The following CD1C variants were observed in gnomAD, a reference collection of about 807,000 sequenced individuals.
CD1C encodes the protein CD1c molecule, also known as T-cell surface glycoprotein CD1c.
A neutral mutation model predicts 39.4 loss-of-function variants in CD1C; 47 were observed. The observed-to-expected ratio is 1.19, with a 90% CI of 0.94 to 1.52. The LOEUF (loss-of-function observed/expected upper bound fraction) is 1.52. Ranked by LOEUF, CD1C falls within the 40% of genes most tolerant of loss-of-function variation. CD1C has a pLI of 0.00. For synonymous variants in CD1C, 165 were observed against 150.8 expected, an observed-to-expected ratio of 1.09 and a Z score of -0.69; for missense variants, 417 against 395.2, an observed-to-expected ratio of 1.06 and a Z score of -0.47.
intron 1 of CD1C, 108 bp from the exon 2 acceptor site, chr1:158,291,026 C>T: frequency 8.6e-7 from 1 of 1,157,628 alleles, no homozygotes; most frequent in Non-Finnish European, 1.2e-6. Flanking sequence ...CTAAAGTAGT[C>T]ATTAATGTTT....
intron 1 of CD1C, among the ~76,000 whole-genome samples, chr1:158,290,630 G>A (rs894192059): frequency 5.9e-5 from 9 of 152,162 alleles, no homozygotes; most frequent in Non-Finnish European, 8.8e-5. Flanking sequence ...GAAGCAGATT[G>A]TCTTAGTTGC....
chr1:158,290,888 C>T (rs1376003064), intron 1 of CD1C, among the ~76,000 whole-genome samples: 1 of 152,144 alleles, frequency 6.6e-6, no homozygotes, highest in African/African-American at 2.4e-5. Context: ...GCATGATGGG[C>T]TTTCCCAAGA....
intron 1 of CD1C, among the ~76,000 whole-genome samples, chr1:158,290,366 A>G (rs1374821838): frequency 6.6e-6 from 1 of 151,946 alleles, no homozygotes. Flanking sequence ...TTTCCTCTCC[A>G]TTTTCCGTTA....
rs1358883743 is a variant in CD1C at position 158,294,689 on chromosome 1, A to T, written c.*1213A>T. On this transcript the variant is annotated 3_prime_UTR_variant, in exon 6 of 6. Transcript: ENST00000368170. ...ACACCAACAACCTGGCATTCTTGCA[A>T]CTACTGATATACTTTATGTCACTTA... Among the ~76,000 whole-genome samples the T allele has an allele frequency of 6.6e-6, 1 of 152,196 alleles. No homozygotes were observed. The highest frequency in any genetic ancestry group is 1.5e-5 in the Non-Finnish European group (1 of 68,028).
In CD1C at chr1:158,293,517, C is replaced by A; in HGVS notation, c.*41C>A. 6.2e-7 allele frequency: 1 copy of A among 1,613,960 alleles called. No individual in the cohort carries two copies. The highest frequency in any genetic ancestry group is 1.1e-5 in the South Asian group (1 of 91,066). ...CTCCCCCATTGTGTTAAGAACCCAG[C>A]AACCCAGGAGCCTAGTACAATATAG... On this transcript the variant is annotated 3_prime_UTR_variant, in exon 6 of 6. Transcript: ENST00000368170.
Position 158,291,223 on chromosome 1 carries a change from G to C in CD1C, c.151G>C (p.Asp51His), listed in dbSNP as rs1173411897. 1.2e-6 allele frequency: 2 copies of C among 1,613,934 alleles called. No homozygotes were observed. The highest frequency in any genetic ancestry group is 1.3e-5 in the African/African-American group (1 of 74,870). The stretch of plus-strand genomic sequence containing the variant: ...ACGAGGTCAGGGCTCAGGATGGCTG[G>C]ACGAGTTGCAGACTCATGGCTGGGA... The part of the protein sequence containing the change: ...WARGQGSGWL[D>H]ELQTHGWDSE... The change falls in exon 2 of 6, where the codon GAC becomes CAC. Residue 51 changes from aspartate to histidine, a missense_variant. Physicochemically the swap from Asp to His is moderately conservative, Grantham distance 81. Coordinates refer to ENST00000368170, the MANE Select transcript of CD1C (RefSeq NM_001765.3).
intron 4 of CD1C, among the ~76,000 whole-genome samples, 155 bp downstream of exon 4, chr1:158,293,029 G>C (rs148772197): frequency 3.5e-4 from 54 of 152,226 alleles, no homozygotes; most frequent in African/African-American, 1.2e-3. Flanking sequence ...AGGGATACAT[G>C]GATACTAGAG....
chr1:158,291,922 C>T (rs1651053796), intron 2 of CD1C, among the ~76,000 whole-genome samples, 162 bp from the exon 3 acceptor site: 1 of 152,166 alleles, frequency 6.6e-6, no homozygotes, highest in South Asian at 2.1e-4. Flanking sequence ...TTCCCTATCC[C>T]CAGCAATTTT....
intron 1 of CD1C, 51 bp from the exon 2 acceptor site, chr1:158,291,083 C>T: frequency 6.6e-7 from 1 of 1,520,356 alleles, no homozygotes; most frequent in Non-Finnish European, 9.0e-7. Context: ...ATTTTCCTTG[C>T]CTCTCTTTTT....
rs1390456067 is a variant in CD1C at position 158,290,101 on chromosome 1, C to T, written c.37C>T (p.Leu13Phe). The change falls in exon 1 of 6, where the codon CTC becomes TTC. Residue 13 changes from leucine (L) to phenylalanine (F), a missense_variant. Physicochemically the swap from Leu to Phe is conservative, Grantham distance 22. Coordinates refer to ENST00000368170, the MANE Select transcript of CD1C (RefSeq NM_001765.3). Reference sequence around the variant, plus strand: ...GCAGTTTCTGCTGCTAGCTCTTCTTCTCCCAGGTGGTGACAATGCAGACGG... The same window carrying T: ...GCAGTTTCTGCTGCTAGCTCTTCTTTTCCCAGGTGGTGACAATGCAGACGG... ...FLQFLLLALL[L>F]PGGDNADASQ... 5 of 1,613,920 alleles carry T rather than the reference C, an allele frequency of 3.1e-6. No individual in the cohort carries two copies. Among genetic ancestry groups the T allele is most frequent in the East Asian group, 2.2e-5 (1 of 44,882 alleles).
chr1:158,292,756 T>C lies in CD1C; in HGVS notation c.771T>C (p.Asn257=). Residue 257 remains asparagine (N), a synonymous_variant, in exon 4 of 6, where the codon AAT becomes AAC. Coordinates refer to ENST00000368170, the MANE Select transcript of CD1C (RefSeq NM_001765.3). ...CTAAACATGGTGATATTCTTCCTAATGCTGATGGGACATGGTATCTTCAGG... is the reference window on the plus strand; with the variant it reads ...CTAAACATGGTGATATTCTTCCTAACGCTGATGGGACATGGTATCTTCAGG... ...LGTKHGDILP[N]ADGTWYLQVI... 2 of 1,614,180 alleles carry C rather than the reference T, an allele frequency of 1.2e-6. No homozygotes were observed. Among genetic ancestry groups the C allele is most frequent in the Non-Finnish European group, 1.7e-6 (2 of 1,180,020 alleles).
chr1:158,290,151 G>C (rs1186004455), intron 1 of CD1C, 26 bp downstream of exon 1: 2 of 1,606,762 alleles, frequency 1.2e-6, no homozygotes, highest in Non-Finnish European at 1.7e-6. Context: ...TCAGCTGCAA[G>C]GTTACATGTA....
Position 158,293,309 on chromosome 1 carries a change from T to A in CD1C, c.980+7T>A, listed in dbSNP as rs1651120111. On this transcript the variant is annotated splice_region_variant and intron_variant, in intron 5 of 5. Coordinates refer to ENST00000368170, the MANE Select transcript of CD1C (RefSeq NM_001765.3). ...TATGGTTTAAGAAGCACTGGTGAGT[T>A]TTTTGTATTTCCTCCTCTCCTCCCA... 1.2e-6 allele frequency: 2 copies of A among 1,610,734 alleles called. No homozygotes were observed. Among genetic ancestry groups the A allele is most frequent in the Non-Finnish European group, 8.5e-7 (1 of 1,177,746 alleles).
rs565383261 is a variant in CD1C at position 158,293,428 on chromosome 1, G to C, written c.981-27G>C. On this transcript the variant is annotated intron_variant, in intron 5 of 5. Transcript: ENST00000368170. ...AGTTACCACCTCCAACTTATTCAGG[G>C]TTTCTCCCATTCCTGTTCCTTCACA... The C allele has an allele frequency of 1.7e-5, 27 of 1,612,756 alleles. No homozygotes were observed. In the African/African-American group the frequency reaches 2.4e-4, roughly 14 times the overall value.
intron 4 of CD1C, 71 bp downstream of exon 4, chr1:158,292,945 G>A: frequency 6.7e-7 from 1 of 1,482,690 alleles, no homozygotes; most frequent in Non-Finnish European, 9.3e-7. Flanking sequence ...GAAATTTTGA[G>A]GATAGCAGAC....
intron 2 of CD1C, 36 bp downstream of exon 2, chr1:158,291,436 G>A (rs1243712662): frequency 6.2e-7 from 1 of 1,600,440 alleles, no homozygotes; most frequent in Non-Finnish European, 8.6e-7. Context: ...GAGTTCTTTA[G>A]AATGTTCTAT....
Position 158,292,856 on chromosome 1 carries a change from G to A in CD1C, c.871G>A (p.Asp291Asn), listed in dbSNP as rs1258415181. 6.2e-6 allele frequency: 10 copies of A among 1,614,002 alleles called. No homozygotes were observed. The highest frequency in any genetic ancestry group is 1.7e-5 in the Admixed American group (1 of 59,994). Reference sequence around the variant, plus strand: ...GAGACACAGCAGTCTAGGAGGCCAGGACATCATCCTCTACTGGGGTAAGAC... The same window carrying A: ...GAGACACAGCAGTCTAGGAGGCCAGAACATCATCCTCTACTGGGGTAAGAC... ...RVRHSSLGGQ[D>N]IILYWGHHFS... The change falls in exon 4 of 6, where the codon GAC becomes AAC. Residue 291 changes from aspartate to asparagine, a missense_variant. Coordinates refer to ENST00000368170, the MANE Select transcript of CD1C (RefSeq NM_001765.3).
At chr1:158,291,878 T>C (rs1405188830) in intron 2 of CD1C, among the ~76,000 whole-genome samples, 2 of 152,170 alleles carry the variant, frequency 1.3e-5, no homozygotes, top group East Asian at 3.9e-4. Flanking sequence ...CACTTTTTCT[T>C]GTTAATTCAA....
In CD1C at chr1:158,293,233, G is replaced by C; in HGVS notation, c.911G>C (p.Trp304Ser). 2 of 1,613,920 alleles carry C rather than the reference G, an allele frequency of 1.2e-6. No homozygotes were observed. The highest frequency in any genetic ancestry group is 3.3e-4 in the Middle Eastern group (2 of 6,060). The change falls in exon 5 of 6, where the codon TGG becomes TCG. Residue 304 changes from tryptophan to serine, a missense_variant. Trp to Ser is a radical substitution (Grantham distance 177). Transcript: ENST00000368170. ...LYWGHHFSMNWIALVVIVPLV... is the reference protein window; with the variant it reads ...LYWGHHFSMNSIALVVIVPLV... ...GCAGGACACCACTTTTCCATGAATT[G>C]GATTGCCTTGGTAGTGATAGTGCCC...
Sources: allele counts gnomAD v4.1 joint callset (sites outside exome capture counted in the v4.1 genomes callset), GRCh38; gene constraint gnomAD v4.1.1; transcripts MANE v1.5; gene names NCBI Gene and HGNC (gene_info 2026-07-23, HGNC 2026-07-21).